Variants in NET1 observed in about 807,000 individuals in gnomAD.
NET1 encodes the protein neuroepithelial cell-transforming gene 1 protein.
A neutral mutation model predicts 61.1 loss-of-function variants in NET1; 42 were observed. The ratio of observed to expected loss-of-function variants is 0.69; its 90% CI spans 0.54 to 0.89. The LOEUF (loss-of-function observed/expected upper bound fraction) is 0.89. NET1 is among the 40% of genes least tolerant of loss of function. The pLI is 0.00. For missense variants in NET1, 654 were observed against 747.3 expected (o/e 0.88, Z 1.46); for synonymous variants, 254 against 281.8 (o/e 0.90, Z 0.99).
rs571495166 is a variant in NET1, at chr10:5,420,529, G to A, written c.129-6126G>A. ...GTAGATATTCCCTACAATATGACAG[G>A]CCTCTTAACGTCTTTCTCCTCACCT... On this transcript the variant is annotated intron_variant, in intron 1 of 11. Coordinates refer to ENST00000355029, the MANE Select transcript of NET1 (RefSeq NM_001047160.3). This position sits in a 1 kb window ranked among gnomAD's most constrained non-coding sequence, Gnocchi z 5.3. Among the ~76,000 whole-genome samples the A allele has an allele frequency of 1.3e-5, 2 of 152,296 alleles. No homozygotes were observed. Among genetic ancestry groups the A allele is most frequent in the East Asian group, 3.9e-4 (2 of 5,180 alleles).
Position 5,453,237 on chromosome 10 carries a change from TC to T in NET1, c.595-9del. ...ACATGATCTCTCTGTGACACATTTC[TC>T]CCCTCTGACAGGCCTATCATGACCC... is the stretch of plus-strand genomic sequence containing the variant. On this transcript the variant is annotated splice_polypyrimidine_tract_variant and intron_variant, in intron 6 of 11. Transcript: ENST00000355029. The surrounding 1 kb of genome is among the most constrained non-coding windows in gnomAD (Gnocchi z 4.9). The T allele has an allele frequency of 7.1e-7, 1 of 1,416,396 alleles. No individual in the cohort carries two copies. The highest frequency in any genetic ancestry group is 1.0e-6 in the Non-Finnish European group (1 of 999,614). The allele number at this position is 1,416,396 out of a possible 1,614,324, so 87.7% of individuals were successfully genotyped here.
chr10:5,438,559 A>C (rs917200929), intron 3 of NET1, among the ~76,000 whole-genome samples: 7 of 152,222 alleles, frequency 4.6e-5, no homozygotes, highest in African/African-American at 1.7e-4. Context: ...AAATCTGACT[A>C]AACCTATAAC....
rs572627925 is a variant in NET1, at chr10:5,431,892, C to G, written c.255+2663C>G. 4.5e-4 allele frequency among the ~76,000 whole-genome samples: 69 copies of G among 152,278 alleles called. 2 individuals carry two copies. The highest frequency in any genetic ancestry group is 7.4e-5 in the Non-Finnish European group (5 of 68,026). ...GTGCTGGGATTACAGGCATGAGCCA[C>G]CACGCCTGGCCTCATTTCAGTTATT... On this transcript the variant is annotated intron_variant, in intron 3 of 11. Transcript: ENST00000355029. The surrounding 1 kb of genome is among the most constrained non-coding windows in gnomAD (Gnocchi z 4.9).
In NET1 at chr10:5,456,079, T is replaced by C; in HGVS notation, c.1198-8T>C. On this transcript the variant is annotated splice_polypyrimidine_tract_variant and splice_region_variant and intron_variant, in intron 10 of 11. Coordinates refer to ENST00000355029, the MANE Select transcript of NET1 (RefSeq NM_001047160.3). The surrounding 1 kb of genome is among the most constrained non-coding windows in gnomAD (Gnocchi z 7.0). ...TTCCTATTTAGCGTTTGTTTCCCAT[T>C]TCTCCAGAAACTTTACATTTTCCTG... is the stretch of plus-strand genomic sequence containing the variant. 2 of 1,602,200 alleles carry C rather than the reference T, an allele frequency of 1.2e-6. No individual in the cohort carries two copies. The highest frequency in any genetic ancestry group is 1.7e-6 in the Non-Finnish European group (2 of 1,172,926).
At position 5,420,358 on chromosome 10, in the gene NET1, G is replaced by A. The variant is rs1023443266; in HGVS notation, c.129-6297G>A. Among the ~76,000 whole-genome samples the A allele has an allele frequency of 2.6e-5, 4 of 152,104 alleles. No homozygotes were observed. The highest frequency in any genetic ancestry group is 5.9e-5 in the Non-Finnish European group (4 of 68,030). ...TACATTATGATATTCTGTACAGTGA[G>A]ATATTATAATATACAATTTTTATAA... On this transcript the variant is annotated intron_variant, in intron 1 of 11. Transcript: ENST00000355029. The surrounding 1 kb of genome is among the most constrained non-coding windows in gnomAD (Gnocchi z 5.3).
intron 3 of NET1, among the ~76,000 whole-genome samples, chr10:5,432,476 A>G (rs1409880406): frequency 6.6e-6 from 1 of 152,202 alleles, no homozygotes; most frequent in East Asian, 1.9e-4. Flanking sequence ...AGGTTATAAC[A>G]TAGTAGGGAT....
Position 5,426,671 on chromosome 10 carries a change from G to A in NET1, c.145G>A (p.Gly49Ser), listed in dbSNP as rs1832263072. Residue 49 changes from glycine to serine, a missense_variant, in exon 2 of 12, where the codon GGC becomes AGC. Physicochemically the swap from Gly to Ser is moderately conservative, Grantham distance 56. Transcript: ENST00000355029. This position sits in a 1 kb window ranked among gnomAD's most constrained non-coding sequence, Gnocchi z 4.6. ...ELDGRCSLRR[G>S]SSFTFLTPGP... Reference sequence around the variant, plus strand: ...CATTAATAGATGTTCCCTTCGGAGAGGCAGCTCCTTCACATTCTTAACACC... The same window carrying A: ...CATTAATAGATGTTCCCTTCGGAGAAGCAGCTCCTTCACATTCTTAACACC... 6.2e-7 allele frequency: 1 copy of A among 1,606,014 alleles called. No individual in the cohort carries two copies. Among genetic ancestry groups the A allele is most frequent in the South Asian group, 1.1e-5 (1 of 89,590 alleles).
chr10:5,452,613 C>T lies in NET1; in HGVS notation c.531+88C>T. ...ATTAACTTGGATTTTTGTGTTTGAGCAACAATTCCTAATACATGGTGAACA... is the reference window on the plus strand; with the variant it reads ...ATTAACTTGGATTTTTGTGTTTGAGTAACAATTCCTAATACATGGTGAACA... On this transcript the variant is annotated intron_variant, in intron 5 of 11. Coordinates refer to ENST00000355029, the MANE Select transcript of NET1 (RefSeq NM_001047160.3). The surrounding 1 kb of genome is among the most constrained non-coding windows in gnomAD (Gnocchi z 4.0). 1 of 1,358,040 alleles carries T rather than the reference C, an allele frequency of 7.4e-7. No homozygotes were observed. The highest frequency in any genetic ancestry group is 1.0e-6 in the Non-Finnish European group (1 of 985,434). 84.1% of individuals were successfully genotyped at this position (1,358,040 alleles called of 1,614,324 possible). A position where few individuals can be genotyped will look rare whatever the true frequency, so the allele number is the denominator to read the frequency against.
In NET1 at chr10:5,457,203, T is replaced by G. The variant is rs554103240; in HGVS notation, c.*209T>G. ...CAGTCCTTTTTTTTTTAAAGATATT[T>G]TCTTGAATTATTTAGAACATGGTAA... On this transcript the variant is annotated 3_prime_UTR_variant, in exon 12 of 12. Coordinates refer to ENST00000355029, the MANE Select transcript of NET1 (RefSeq NM_001047160.3). This position sits in a 1 kb window ranked among gnomAD's most constrained non-coding sequence, Gnocchi z 5.4. 2.5e-6 allele frequency: 1 copy of G among 395,610 alleles called. No individual in the cohort carries two copies. The highest frequency in any genetic ancestry group is 3.9e-5 in the East Asian group (1 of 25,736). The allele number at this position is 395,610 out of a possible 1,614,324, so 24.5% of individuals were successfully genotyped here.
At chr10:5,419,700 C>T (rs1267920848) in intron 1 of NET1, among the ~76,000 whole-genome samples, 1 of 93,336 alleles carries the variant, frequency 1.1e-5, no homozygotes, top group Non-Finnish European at 2.3e-5. Context: ...TGTTTTTTTT[C>T]TTTGTTTTGT....
Position 5,456,075 on chromosome 10 carries a change from C to A in NET1, c.1198-12C>A. The A allele has an allele frequency of 6.3e-7, 1 of 1,599,690 alleles. No individual in the cohort carries two copies. On this transcript the variant is annotated splice_polypyrimidine_tract_variant and intron_variant, in intron 10 of 11. Transcript: ENST00000355029. This position sits in a 1 kb window ranked among gnomAD's most constrained non-coding sequence, Gnocchi z 7.0. ...AAGTTTCCTATTTAGCGTTTGTTTC[C>A]CATTTCTCCAGAAACTTTACATTTT...
intron 3 of NET1, among the ~76,000 whole-genome samples, chr10:5,432,784 A>G (rs1832370376): frequency 6.6e-6 from 1 of 150,444 alleles, no homozygotes; most frequent in Non-Finnish European, 1.5e-5. Flanking sequence ...TATATATAGT[A>G]TTCCACTTTC....
At position 5,454,966 on chromosome 10, in the gene NET1, G is replaced by A. The variant is rs1346509294; in HGVS notation, c.1045G>A (p.Val349Ile). The change falls in exon 10 of 12, where the codon GTC becomes ATC. Residue 349 changes from valine to isoleucine, a missense_variant. Transcript: ENST00000355029. This position sits in a 1 kb window ranked among gnomAD's most constrained non-coding sequence, Gnocchi z 8.1. ...LEDAILIIQG[V>I]LSDINLKKGE... is the part of the protein sequence containing the mutation. ...TTTTCAGATATTGATAATACAGGGA[G>A]TCCTCTCTGATATCAACTTGAAGAA... The A allele has an allele frequency of 1.2e-6, 2 of 1,613,986 alleles. No individual in the cohort carries two copies. The highest frequency in any genetic ancestry group is 1.7e-5 in the Admixed American group (1 of 60,034).
Position 5,437,327 on chromosome 10 carries a change from G to A in NET1, c.255+8098G>A, listed in dbSNP as rs1051390389. 1.3e-5 allele frequency among the ~76,000 whole-genome samples: 2 copies of A among 151,708 alleles called. No individual in the cohort carries two copies. Among genetic ancestry groups the A allele is most frequent in the African/African-American group, 4.8e-5 (2 of 41,242 alleles). ...GCTTTTTTTAATTTATGTTTTATTGGTACATATAAAGCAGGCTCCCTAATT... is the reference window on the plus strand; with the variant it reads ...GCTTTTTTTAATTTATGTTTTATTGATACATATAAAGCAGGCTCCCTAATT... On this transcript the variant is annotated intron_variant, in intron 3 of 11. Transcript: ENST00000355029. The surrounding 1 kb of genome is among the most constrained non-coding windows in gnomAD (Gnocchi z 4.3).
Position 5,455,568 on chromosome 10 carries a change from G to A in NET1, c.1197+450G>A, listed in dbSNP as rs1326099505. On this transcript the variant is annotated intron_variant, in intron 10 of 11. Coordinates refer to ENST00000355029, the MANE Select transcript of NET1 (RefSeq NM_001047160.3). This position sits in a 1 kb window ranked among gnomAD's most constrained non-coding sequence, Gnocchi z 6.5. ...TAGAACTAAGTGCAGTCACGGAATG[G>A]TATTTTTGTTTCATCATGCATTTTC... Among the ~76,000 whole-genome samples, 3 of 152,208 alleles carry A rather than the reference G, an allele frequency of 2.0e-5. No homozygotes were observed. Among genetic ancestry groups the A allele is most frequent in the Non-Finnish European group, 4.4e-5 (3 of 68,042 alleles).
intron 3 of NET1, among the ~76,000 whole-genome samples, chr10:5,438,467 G>A (rs528644781): frequency 6.6e-6 from 1 of 152,094 alleles, no homozygotes; most frequent in Non-Finnish European, 1.5e-5. Flanking sequence ...GTGAATAATT[G>A]TATGCCAACA....
chr10:5,420,783 A>G lies in NET1; in HGVS notation c.129-5872A>G, dbSNP rs1018478252. Among the ~76,000 whole-genome samples, 1 of 151,860 alleles carries G rather than the reference A, an allele frequency of 6.6e-6. No individual in the cohort carries two copies. The highest frequency in any genetic ancestry group is 6.6e-5 in the Admixed American group (1 of 15,260). On this transcript the variant is annotated intron_variant, in intron 1 of 11. Transcript: ENST00000355029. This position sits in a 1 kb window ranked among gnomAD's most constrained non-coding sequence, Gnocchi z 5.3. The stretch of plus-strand genomic sequence containing the variant: ...GCTAATTTTTGTATTTTTAGTAGAG[A>G]CGGGGTTTCACCATGTTGGCCAGGA...
At chr10:5,448,640 G>A (rs1832654974) in intron 3 of NET1, among the ~76,000 whole-genome samples, 1 of 6,532 alleles carries the variant, frequency 1.5e-4, no homozygotes, top group Non-Finnish European at 2.3e-3. Flanking sequence ...AAGCTTGTTG[G>A]CATTTTTTTG....
chr10:5,444,259 T>C lies in NET1; in HGVS notation c.256-7571T>C, dbSNP rs1832570235. On this transcript the variant is annotated intron_variant, in intron 3 of 11. Transcript: ENST00000355029. This position sits in a 1 kb window ranked among gnomAD's most constrained non-coding sequence, Gnocchi z 5.3. ...AGCCAATCTCCATTACTTTAAAAAA[T>C]AAACTCAAAGCAGAAAGATGAATTA... is the stretch of plus-strand genomic sequence containing the variant. Among the ~76,000 whole-genome samples, 1 of 152,136 alleles carries C rather than the reference T, an allele frequency of 6.6e-6. No homozygotes were observed. Among genetic ancestry groups the C allele is most frequent in the Non-Finnish European group, 1.5e-5 (1 of 68,028 alleles).
Sources: gnomAD v4.1 joint callset for allele counts (sites outside exome capture counted in the v4.1 genomes callset) on GRCh38, gnomAD v4.1.1 for gene constraint, Gnocchi (gnomAD v3.1) non-coding constraint, MANE v1.5 for transcripts, NCBI Gene and HGNC (gene_info 2026-07-23, HGNC 2026-07-21) for gene names.